SLC30A9: variants seen among roughly 807,000 people sequenced by gnomAD.
The protein encoded by SLC30A9 is proton-coupled zinc antiporter SLC30A9, mitochondrial.
Under a neutral mutation model 87.5 loss-of-function variants are expected in SLC30A9, and 58 were observed. That is an observed-to-expected ratio of 0.66 (90% CI 0.54 to 0.82). The LOEUF (loss-of-function observed/expected upper bound fraction) is 0.82, where lower values mean the gene tolerates loss of function less well. Among genes scored for constraint, SLC30A9 ranks in the 40% least tolerant of loss-of-function variants. The probability of loss-of-function intolerance (pLI) is 0.00; values close to 1 mark genes in which losing one functional copy is unlikely to be tolerated. For synonymous variants in SLC30A9, 234 were observed against 233.0 expected (o/e 1.00, Z -0.04); for missense variants, 557 against 679.1 (o/e 0.82, Z 2.00).
chr4:42,084,719 C>A (rs544850613), intron 17 of SLC30A9, among the ~76,000 whole-genome samples: 1 of 152,186 alleles, frequency 6.6e-6, no homozygotes, highest in Non-Finnish European at 1.5e-5. Context: ...GATCCGCCCG[C>A]CTCGGCCTCC....
chr4:41,995,744 C>T (rs771032274), intron 1 of SLC30A9, among the ~76,000 whole-genome samples: 15 of 152,210 alleles, frequency 9.9e-5, no homozygotes, highest in Non-Finnish European at 1.9e-4. Flanking sequence ...GGGTCTTGCT[C>T]TGTCACCCAG....
intron 17 of SLC30A9, among the ~76,000 whole-genome samples, chr4:42,081,306 C>CT (rs963098029): frequency 4.6e-5 from 7 of 150,764 alleles, no homozygotes; most frequent in East Asian, 1.9e-4. Context: ...ATGAAACTGG[C>CT]TTTTTTTTTA....
intron 2 of SLC30A9, among the ~76,000 whole-genome samples, 158 bp downstream of exon 2, chr4:42,001,938 T>A (rs1715003101): frequency 6.6e-6 from 1 of 152,032 alleles, no homozygotes; most frequent in African/African-American, 2.4e-5. Context: ...ATTTCTTTAT[T>A]TTTTCTATTT....
At chr4:42,034,674 T>C (rs1223805044) in intron 6 of SLC30A9, among the ~76,000 whole-genome samples, 1 of 152,196 alleles carries the variant, frequency 6.6e-6, no homozygotes. Flanking sequence ...CATTCATTCA[T>C]CCATCCATGG....
intron 11 of SLC30A9, 121 bp from the exon 12 acceptor site, chr4:42,065,189 A>G: frequency 3.1e-6 from 2 of 652,268 alleles, no homozygotes; most frequent in Non-Finnish European, 5.6e-6. Flanking sequence ...CCCATTAGTA[A>G]CCTTACTGTC....
At chr4:42,056,477 G>A (rs1460969126) in intron 9 of SLC30A9, among the ~76,000 whole-genome samples, 1 of 152,154 alleles carries the variant, frequency 6.6e-6, no homozygotes, top group African/African-American at 2.4e-5. Context: ...ATCAGATCTT[G>A]TGAGACTTAT....
intron 14 of SLC30A9, 34 bp downstream of exon 14, chr4:42,067,226 G>A: frequency 2.4e-6 from 3 of 1,260,010 alleles, no homozygotes; most frequent in Non-Finnish European, 3.5e-6. Flanking sequence ...TGATTTATTT[G>A]TCCTACTTAA....
chr4:42,039,943 A>G (rs1037356882), intron 8 of SLC30A9, among the ~76,000 whole-genome samples: 16 of 152,196 alleles, frequency 1.1e-4, no homozygotes, highest in Non-Finnish European at 2.2e-4. Context: ...ATATAAAGAT[A>G]TAATACATAA....
At chr4:41,998,429 C>T (rs1714819829) in intron 1 of SLC30A9, among the ~76,000 whole-genome samples, 1 of 151,112 alleles carries the variant, frequency 6.6e-6, no homozygotes, top group South Asian at 2.1e-4. Context: ...TTCACTATCT[C>T]TTTGCTTACT....
intron 2 of SLC30A9, among the ~76,000 whole-genome samples, chr4:42,003,823 G>C (rs549514856): frequency 6.6e-6 from 1 of 151,556 alleles, no homozygotes; most frequent in East Asian, 1.9e-4. Flanking sequence ...TCATTTGAAA[G>C]TTTTAGACTC....
intron 12 of SLC30A9, among the ~76,000 whole-genome samples, chr4:42,065,926 CAT>C (rs1308234949): frequency 2.0e-5 from 3 of 152,072 alleles, no homozygotes; most frequent in Non-Finnish European, 4.4e-5. Flanking sequence ...GTATAAAAAA[CAT>C]AATTAAACTG....
At chr4:41,997,578 A>C (rs1056627424) in intron 1 of SLC30A9, among the ~76,000 whole-genome samples, 1 of 152,078 alleles carries the variant, frequency 6.6e-6, no homozygotes, top group Non-Finnish European at 1.5e-5. Context: ...TTTTTTATGC[A>C]ACATTATAAC....
At chr4:42,022,095 C>T (rs1179908415) in intron 4 of SLC30A9, among the ~76,000 whole-genome samples, 2 of 72,662 alleles carry the variant, frequency 2.8e-5, no homozygotes, top group African/African-American at 2.8e-5. Flanking sequence ...GCCACCACGC[C>T]CGGCTAATTT....
chr4:42,074,035 G>C (rs560595593), intron 15 of SLC30A9, among the ~76,000 whole-genome samples: 1 of 152,154 alleles, frequency 6.6e-6, no homozygotes, highest in African/African-American at 2.4e-5. Context: ...TTTATACTCT[G>C]TGAAGACTAA....
At chr4:42,078,818 T>G (rs1718653613) in intron 17 of SLC30A9, 2 of 152,266 alleles carry the variant, frequency 1.3e-5, no homozygotes, top group Non-Finnish European at 2.9e-5. Flanking sequence ...TCAGGTTGTC[T>G]TTTAAAATGT....
chr4:42,080,447 C>CT (rs1718709230), intron 17 of SLC30A9, among the ~76,000 whole-genome samples: 1 of 152,334 alleles, frequency 6.6e-6, no homozygotes, highest in African/African-American at 2.4e-5. Flanking sequence ...TTTCAGTTGT[C>CT]TTTTCTCTGT....
At chr4:42,084,889 G>GT (rs1423220091) in intron 17 of SLC30A9, among the ~76,000 whole-genome samples, 4 of 152,200 alleles carry the variant, frequency 2.6e-5, no homozygotes, top group Non-Finnish European at 5.9e-5. Context: ...ACTACCAAAC[G>GT]TAAGTCCACT....
intron 9 of SLC30A9, among the ~76,000 whole-genome samples, chr4:42,056,039 T>C (rs758954862): frequency 5.9e-5 from 9 of 152,216 alleles, no homozygotes; most frequent in Non-Finnish European, 1.2e-4. Context: ...ACTGTGATTC[T>C]GTCTTACCTC....
At chr4:42,048,592 C>G (rs1158222302) in intron 8 of SLC30A9, among the ~76,000 whole-genome samples, 1 of 151,764 alleles carries the variant, frequency 6.6e-6, no homozygotes, top group Non-Finnish European at 1.5e-5. Context: ...TCAGAGTTAA[C>G]TGTTTATTTT....
Sources: gnomAD v4.1 joint callset for allele counts (sites outside exome capture counted in the v4.1 genomes callset) on GRCh38, gnomAD v4.1.1 for gene constraint, MANE v1.5 for transcripts, NCBI Gene and HGNC (gene_info 2026-07-23, HGNC 2026-07-21) for gene names.